Variants in ASIC2 observed in about 807,000 individuals in gnomAD.
ASIC2 encodes acid-sensing ion channel 2.
ASIC2 carries 25 observed loss-of-function variants against 57.3 expected under a neutral mutation model. The observed-to-expected ratio is 0.44, with a 90% CI of 0.32 to 0.61. ASIC2 has a LOEUF of 0.61. ASIC2 is among the 20% of genes least tolerant of loss of function. The probability of loss-of-function intolerance (pLI) is 0.06; values close to 1 mark genes in which losing one functional copy is unlikely to be tolerated. For synonymous variants in ASIC2, 319 were observed against 307.5 expected (o/e 1.04, Z -0.39); for missense variants, 641 against 738.1 (o/e 0.87, Z 1.52).
chr17:33,521,600 A>T (rs1914743608), intron 1 of ASIC2, among the ~76,000 whole-genome samples: 1 of 152,140 alleles, frequency 6.6e-6, no homozygotes, highest in Non-Finnish European at 1.5e-5. Flanking sequence ...TCTGGCAGAG[A>T]TGGGCAAGGA....
At chr17:33,325,859 A>G (rs2142220452) in intron 1 of ASIC2, among the ~76,000 whole-genome samples, 1 of 152,226 alleles carries the variant, frequency 6.6e-6, no homozygotes, top group Middle Eastern at 3.4e-3. Flanking sequence ...GAAGGAATGG[A>G]TGATTATGAC....
intron 1 of ASIC2, among the ~76,000 whole-genome samples, chr17:33,120,526 T>C (rs2092297921): frequency 6.6e-6 from 1 of 152,166 alleles, no homozygotes; most frequent in Admixed American, 6.5e-5. Context: ...ACTGCAGTCG[T>C]TCACCTGGAA....
At chr17:33,536,331 T>C (rs1287641651) in intron 1 of ASIC2, among the ~76,000 whole-genome samples, 1 of 152,204 alleles carries the variant, frequency 6.6e-6, no homozygotes, top group African/African-American at 2.4e-5. Context: ...ATAAATTCAG[T>C]GGGTGCTGGA....
intron 1 of ASIC2, among the ~76,000 whole-genome samples, chr17:33,638,924 A>G (rs919725906): frequency 3.3e-5 from 5 of 152,038 alleles, no homozygotes; most frequent in African/African-American, 1.2e-4. Context: ...TATTTCCTGG[A>G]GTTCTCTGGC....
At chr17:33,776,690 G>A (rs1270623049) in intron 1 of ASIC2, among the ~76,000 whole-genome samples, 2 of 152,160 alleles carry the variant, frequency 1.3e-5, no homozygotes. Context: ...GTGTGGTGCT[G>A]AGTGAGTTCC....
intron 1 of ASIC2, among the ~76,000 whole-genome samples, chr17:33,172,755 A>C (rs1458672176): frequency 6.6e-6 from 1 of 152,246 alleles, no homozygotes; most frequent in Non-Finnish European, 1.5e-5. Flanking sequence ...TGGTAGCCTC[A>C]GCATCACCTG....
intron 1 of ASIC2, among the ~76,000 whole-genome samples, chr17:33,895,759 A>G (rs1915080103): frequency 6.6e-6 from 1 of 152,164 alleles, no homozygotes; most frequent in Admixed American, 6.5e-5. Context: ...GTGATTTGGT[A>G]TCTGTCCCAC....
At chr17:33,861,218 A>G (rs531404989) in intron 1 of ASIC2, among the ~76,000 whole-genome samples, 1 of 152,344 alleles carries the variant, frequency 6.6e-6, no homozygotes, top group Admixed American at 6.5e-5. Flanking sequence ...GCTTTATGGG[A>G]AAGCAGGTAG....
chr17:33,314,637 T>C (rs563148350), intron 1 of ASIC2, among the ~76,000 whole-genome samples: 1 of 152,272 alleles, frequency 6.6e-6, no homozygotes, highest in Admixed American at 6.5e-5. Context: ...TTACCAGGCC[T>C]CATAAAAAGC....
At chr17:33,652,951 T>A (rs1403719594) in intron 1 of ASIC2, among the ~76,000 whole-genome samples, 1 of 152,234 alleles carries the variant, frequency 6.6e-6, no homozygotes, top group Non-Finnish European at 1.5e-5. Context: ...GGGGTTGGTA[T>A]CAAGAGATTT....
intron 1 of ASIC2, among the ~76,000 whole-genome samples, chr17:33,745,447 A>G (rs1910230571): frequency 6.6e-6 from 1 of 152,102 alleles, no homozygotes; most frequent in Non-Finnish European, 1.5e-5. Flanking sequence ...AATCTCTACA[A>G]ACTCCAAGTA....
chr17:33,458,256 C>A (rs542398274), intron 1 of ASIC2, among the ~76,000 whole-genome samples: 22 of 152,216 alleles, frequency 1.4e-4, no homozygotes, highest in Admixed American at 1.4e-3. Flanking sequence ...TTGCCAAGAG[C>A]TTTAGAGTCA....
At chr17:33,447,929 AAAAG>A (rs1912089423) in intron 1 of ASIC2, among the ~76,000 whole-genome samples, 1 of 150,116 alleles carries the variant, frequency 6.7e-6, no homozygotes, top group Non-Finnish European at 1.5e-5. Context: ...AAAAAAAAAA[AAAAG>A]AAAAGACAAA....
chr17:33,224,338 G>GT lies in ASIC2; in HGVS notation c.708+67069dup, dbSNP rs1483006929. Among the ~76,000 whole-genome samples, 3 of 152,236 alleles carry GT rather than the reference G, an allele frequency of 2.0e-5. No individual in the cohort carries two copies. The East Asian group carries it at 5.8e-4, about 29-fold the overall frequency. Reference sequence around the variant, plus strand: ...CTGAATGTGCAGAGACGCCACATCTGTTTCTGAAAACTATGGTCTGGGCTA... The same window carrying GT: ...CTGAATGTGCAGAGACGCCACATCTGTTTTCTGAAAACTATGGTCTGGGCTA... On this transcript the variant is annotated intron_variant, in intron 1 of 9. Transcript: ENST00000225823.
chr17:33,717,605 C>T lies in ASIC2; in HGVS notation c.555+438373G>A, dbSNP rs189786135. Among the ~76,000 whole-genome samples the T allele has an allele frequency of 2.8e-4, 43 of 152,274 alleles. 1 individual carries two copies. The highest frequency in any genetic ancestry group is 1.1e-3 in the Admixed American group (17 of 15,296). Reference sequence around the variant, plus strand: ...GTTTGGATTCCTGGGGCTGCCATGACGCCTGGCTTCCTCTGACAGAGAGCT... The same window carrying T: ...GTTTGGATTCCTGGGGCTGCCATGATGCCTGGCTTCCTCTGACAGAGAGCT... On this transcript the variant is annotated intron_variant, in intron 1 of 9. Transcript: ENST00000359872.
At chr17:33,170,397 T>G (rs1905466367) in intron 1 of ASIC2, among the ~76,000 whole-genome samples, 1 of 152,176 alleles carries the variant, frequency 6.6e-6, no homozygotes, top group Non-Finnish European at 1.5e-5. Flanking sequence ...GATCATTAAC[T>G]ATTTGACTAG....
intron 1 of ASIC2, among the ~76,000 whole-genome samples, chr17:33,563,287 C>T (rs143096572): frequency 3.9e-4 from 59 of 152,322 alleles, no homozygotes; most frequent in Non-Finnish European, 7.1e-4. Flanking sequence ...GTCTGCTAAT[C>T]CAATCTGCTC....
intron 1 of ASIC2, among the ~76,000 whole-genome samples, chr17:33,711,459 C>A (rs1037906520): frequency 4.6e-5 from 7 of 152,182 alleles, no homozygotes; most frequent in Non-Finnish European, 5.9e-5. Flanking sequence ...GGGCTGGGAG[C>A]AATGAATCTC....
chr17:33,673,683 T>C (rs968791002), intron 1 of ASIC2, among the ~76,000 whole-genome samples: 1 of 152,136 alleles, frequency 6.6e-6, no homozygotes, highest in African/African-American at 2.4e-5. Flanking sequence ...CCCACAGCGA[T>C]AGCAAAACTC....
Sources: allele counts gnomAD v4.1 joint callset (sites outside exome capture counted in the v4.1 genomes callset), GRCh38; gene constraint gnomAD v4.1.1; transcripts MANE v1.5; gene names NCBI Gene and HGNC (gene_info 2026-07-23, HGNC 2026-07-21).